The following MSRB3 variants were observed in gnomAD, a reference collection of about 807,000 sequenced individuals.
MSRB3 encodes methionine-R-sulfoxide reductase B3.
MSRB3 carries 13 observed loss-of-function variants against 21.0 expected under a neutral mutation model. That is an observed-to-expected ratio of 0.62 (90% CI 0.40 to 0.98). MSRB3 has a LOEUF of 0.98. Ranked by LOEUF, MSRB3 falls within the 50% of genes least tolerant of loss-of-function variation. MSRB3 has a pLI of 0.00. For missense variants in MSRB3, 199 were observed against 230.3 expected, an observed-to-expected ratio of 0.86 and a Z score of 0.88; for synonymous variants, 87 against 88.6, an observed-to-expected ratio of 0.98 and a Z score of 0.10.
At chr12:65,404,055 T>C (rs1002786375) in intron 5 of MSRB3, among the ~76,000 whole-genome samples, 3 of 152,340 alleles carry the variant, frequency 2.0e-5, no homozygotes, top group Non-Finnish European at 4.4e-5. Context: ...TATTTGATCA[T>C]CTTGCCAGCC....
At chr12:65,375,468 G>T (rs889136974) in intron 5 of MSRB3, among the ~76,000 whole-genome samples, 3 of 151,624 alleles carry the variant, frequency 2.0e-5, no homozygotes, top group Non-Finnish European at 2.9e-5. Context: ...TAGAGGCAGG[G>T]TCTCTATTGC....
chr12:65,410,292 G>C (rs1880645917), intron 5 of MSRB3, among the ~76,000 whole-genome samples: 1 of 152,000 alleles, frequency 6.6e-6, no homozygotes, highest in Non-Finnish European at 1.5e-5. Context: ...GTTGTTTTCT[G>C]TTTGGCACCA....
In MSRB3 at chr12:65,339,346, T is replaced by C. The variant is rs78519975; in HGVS notation, c.263+10743T>C. 8.1e-3 allele frequency among the ~76,000 whole-genome samples: 1,233 copies of C among 152,320 alleles called. 18 individuals carry two copies. Among genetic ancestry groups the C allele is most frequent in the African/African-American group, 0.029 (1,192 of 41,566 alleles). ...CCTCCAGACATTCTCAAATATTCCC[T>C]GGGGCAAAATTGTCTCTTGTTGAGA... On this transcript the variant is annotated intron_variant, in intron 4 of 6. Coordinates refer to ENST00000308259, the MANE Select transcript of MSRB3 (RefSeq NM_001031679.3).
chr12:65,335,981 G>A (rs1017527374), intron 4 of MSRB3, among the ~76,000 whole-genome samples: 5 of 152,116 alleles, frequency 3.3e-5, no homozygotes, highest in African/African-American at 1.2e-4. Context: ...TCTGAGTGGT[G>A]GCTTACTTAA....
At chr12:65,389,515 A>G (rs1316011536) in intron 5 of MSRB3, among the ~76,000 whole-genome samples, 1 of 152,074 alleles carries the variant, frequency 6.6e-6, no homozygotes, top group African/African-American at 2.4e-5. Context: ...CCCTTCATTT[A>G]TTGAGGATTT....
At chr12:65,401,232 T>C (rs1880106326) in intron 5 of MSRB3, among the ~76,000 whole-genome samples, 1 of 152,160 alleles carries the variant, frequency 6.6e-6, no homozygotes, top group African/African-American at 2.4e-5. Flanking sequence ...CCACTATTAT[T>C]GTATGGGAGT....
chr12:65,386,841 A>G (rs1879219323), intron 5 of MSRB3, among the ~76,000 whole-genome samples: 1 of 152,050 alleles, frequency 6.6e-6, no homozygotes, highest in Admixed American at 6.6e-5. Context: ...ATGTTAGAGC[A>G]ATTCAAAGGA....
At chr12:65,327,344 G>A (rs1345803780) in intron 3 of MSRB3, among the ~76,000 whole-genome samples, 1 of 152,210 alleles carries the variant, frequency 6.6e-6, no homozygotes, top group Non-Finnish European at 1.5e-5. Context: ...CAAAAAGAAG[G>A]TAGCATAATT....
chr12:65,317,826 C>T (rs1874396455), intron 2 of MSRB3, among the ~76,000 whole-genome samples: 1 of 152,216 alleles, frequency 6.6e-6, no homozygotes, highest in East Asian at 1.9e-4. Flanking sequence ...TTCTAAGAAA[C>T]ATAGCCAAGA....
intron 2 of MSRB3, among the ~76,000 whole-genome samples, chr12:65,322,988 C>G (rs1408975152): frequency 6.6e-6 from 1 of 152,114 alleles, no homozygotes; most frequent in Non-Finnish European, 1.5e-5. Flanking sequence ...AAATACTGTT[C>G]CCAGGGAATT....
chr12:65,286,791 G>A (rs1036066063), intron 1 of MSRB3: 2 of 151,164 alleles, frequency 1.3e-5, no homozygotes, highest in Non-Finnish European at 2.9e-5. Flanking sequence ...CAAGGAAGGA[G>A]GATCACTTGA....
intron 5 of MSRB3, among the ~76,000 whole-genome samples, chr12:65,380,433 AG>A (rs1426130494): frequency 6.6e-6 from 1 of 152,038 alleles, no homozygotes; most frequent in Non-Finnish European, 1.5e-5. Context: ...AAAATTAACC[AG>A]GTGTGGTGGT....
In MSRB3 at chr12:65,429,123, C is replaced by T. The variant is rs1011899584; in HGVS notation, c.293-24605C>T. 2.4e-4 allele frequency among the ~76,000 whole-genome samples: 36 copies of T among 151,976 alleles called. 1 individual carries two copies. Among genetic ancestry groups the T allele is most frequent in the Admixed American group, 1.6e-3 (24 of 15,254 alleles). On this transcript the variant is annotated intron_variant, in intron 5 of 6. Transcript: ENST00000308259. ...GATACAGTGGCAAACAGACAGGGCT[C>T]CTGCTATTAAGGAGTTACTAAACAA...
intron 5 of MSRB3, among the ~76,000 whole-genome samples, chr12:65,376,814 G>A (rs753096041): frequency 2.0e-5 from 3 of 152,180 alleles, no homozygotes; most frequent in Non-Finnish European, 4.4e-5. Context: ...ATTTATCCAA[G>A]AACTTAAAAT....
chr12:65,324,338 A>T (rs1041572886), intron 2 of MSRB3, among the ~76,000 whole-genome samples: 1 of 152,190 alleles, frequency 6.6e-6, no homozygotes, highest in Non-Finnish European at 1.5e-5. Flanking sequence ...TAAGACGGAG[A>T]CTAACAAAGG....
At position 65,466,054 on chromosome 12, in the gene MSRB3, A is replaced by G. The variant is rs1883557765; in HGVS notation, c.*2732A>G. The G allele has an allele frequency of 1.3e-5, 2 of 152,116 alleles. 1 individual carries two copies. Among genetic ancestry groups the G allele is most frequent in the South Asian group, 4.1e-4 (2 of 4,830 alleles). The allele number at this position is 152,116 out of a possible 1,614,324, so 9.4% of individuals were successfully genotyped here. A position where few individuals can be genotyped will look rare whatever the true frequency, so the allele number is the denominator to read the frequency against. ...TCAGTGAGAGGCCTCTTCCCTCTCC[A>G]CAGAGACTGGATTGTCATTGTTCCT... On this transcript the variant is annotated 3_prime_UTR_variant, in exon 7 of 7. Transcript: ENST00000308259.
chr12:65,417,687 G>A (rs1166529660), intron 5 of MSRB3, among the ~76,000 whole-genome samples: 1 of 152,074 alleles, frequency 6.6e-6, no homozygotes, highest in Non-Finnish European at 1.5e-5. Flanking sequence ...CTCTGTTTTT[G>A]TGAGTTGAAA....
chr12:65,389,497 T>G (rs1390929244), intron 5 of MSRB3, among the ~76,000 whole-genome samples: 1 of 152,180 alleles, frequency 6.6e-6, no homozygotes, highest in Non-Finnish European at 1.5e-5. Context: ...ATTAGCTCCC[T>G]GGTAATGCCC....
At chr12:65,437,662 G>A (rs1235467889) in intron 5 of MSRB3, among the ~76,000 whole-genome samples, 2 of 151,644 alleles carry the variant, frequency 1.3e-5, no homozygotes, top group African/African-American at 4.8e-5. Flanking sequence ...CAGCTGTCAT[G>A]ACACTGTTTG....
Sources: gnomAD v4.1 joint callset for allele counts (sites outside exome capture counted in the v4.1 genomes callset) on GRCh38, gnomAD v4.1.1 for gene constraint, MANE v1.5 for transcripts, NCBI Gene and HGNC (gene_info 2026-07-23, HGNC 2026-07-21) for gene names.